The following SEMA3A variants were observed in gnomAD, a reference collection of about 807,000 sequenced individuals.
SEMA3A encodes the protein semaphorin-3A.
SEMA3A carries 29 observed loss-of-function variants against 97.9 expected under a neutral mutation model. The observed-to-expected ratio is 0.30, with a 90% CI of 0.22 to 0.40. The LOEUF is 0.40. Among genes scored for constraint, SEMA3A ranks in the 10% least tolerant of loss-of-function variants. The pLI is 1.00. For synonymous variants in SEMA3A, 321 were observed against 323.7 expected, an observed-to-expected ratio of 0.99 and a Z score of 0.09; for missense variants, 763 against 951.3, an observed-to-expected ratio of 0.80 and a Z score of 2.60.
intron 6 of SEMA3A, among the ~76,000 whole-genome samples, chr7:84,017,844 A>G (rs929329437): frequency 2.6e-5 from 4 of 151,792 alleles, no homozygotes; most frequent in African/African-American, 9.7e-5. Flanking sequence ...AGTCATTCCA[A>G]CTGTCTTCCC....
At chr7:84,466,177 G>A (rs1467307453) in intron 1 of SEMA3A, among the ~76,000 whole-genome samples, 1 of 151,924 alleles carries the variant, frequency 6.6e-6, no homozygotes, top group African/African-American at 2.4e-5. Context: ...TTGTTTGTTT[G>A]TTTGTTTGCT....
At chr7:84,027,521 C>T (rs1032176905) in intron 6 of SEMA3A, among the ~76,000 whole-genome samples, 1 of 152,138 alleles carries the variant, frequency 6.6e-6, no homozygotes, top group Admixed American at 6.6e-5. Flanking sequence ...TTCTATTTCA[C>T]TAAGTTTTTT....
intron 2 of SEMA3A, among the ~76,000 whole-genome samples, chr7:84,320,012 CA>C (rs1295724633): frequency 2.0e-5 from 3 of 152,030 alleles, no homozygotes; most frequent in African/African-American, 7.2e-5. Context: ...TTGCTAAACC[CA>C]AAGTAGGAGC....
intron 2 of SEMA3A, among the ~76,000 whole-genome samples, chr7:84,324,606 A>T (rs1477337744): frequency 6.6e-6 from 1 of 152,134 alleles, no homozygotes; most frequent in Non-Finnish European, 1.5e-5. Context: ...TTAAACTAGA[A>T]CTCTAGATAA....
chr7:84,093,332 G>A (rs1794652661), intron 4 of SEMA3A, among the ~76,000 whole-genome samples: 1 of 152,120 alleles, frequency 6.6e-6, no homozygotes, highest in Non-Finnish European at 1.5e-5. Context: ...CACAATATGT[G>A]TATTTATTTA....
At chr7:84,108,896 C>T (rs1165432999) in intron 4 of SEMA3A, among the ~76,000 whole-genome samples, 1 of 135,726 alleles carries the variant, frequency 7.4e-6, no homozygotes, top group African/African-American at 2.8e-5. Context: ...CAGAGTGAGA[C>T]TCCATACTCA....
At chr7:84,123,579 G>T (rs774640226) in intron 3 of SEMA3A, among the ~76,000 whole-genome samples, 3 of 150,998 alleles carry the variant, frequency 2.0e-5, no homozygotes, top group Non-Finnish European at 4.4e-5. Flanking sequence ...TATCAGAAAT[G>T]TCATCACCAG....
chr7:84,262,452 T>C (rs778082218), intron 3 of SEMA3A, among the ~76,000 whole-genome samples: 8 of 152,146 alleles, frequency 5.3e-5, no homozygotes, highest in Non-Finnish European at 1.2e-4. Context: ...TGACCTCAGG[T>C]GATCTAACCG....
At chr7:84,084,749 C>T (rs527378100) in intron 4 of SEMA3A, among the ~76,000 whole-genome samples, 19 of 152,094 alleles carry the variant, frequency 1.2e-4, no homozygotes, top group African/African-American at 2.6e-4. Context: ...TTTTAAAAAA[C>T]GCAAAGCACT....
At chr7:84,158,854 A>T (rs1269762449) in intron 1 of SEMA3A, among the ~76,000 whole-genome samples, 1 of 152,142 alleles carries the variant, frequency 6.6e-6, no homozygotes, top group Non-Finnish European at 1.5e-5. Context: ...AATATCCACA[A>T]GATAATAGCA....
intron 2 of SEMA3A, among the ~76,000 whole-genome samples, chr7:84,359,060 C>G (rs1384638653): frequency 6.6e-6 from 1 of 152,162 alleles, no homozygotes; most frequent in African/African-American, 2.4e-5. Context: ...GGGTTTTCTA[C>G]ATATACAACC....
intron 5 of SEMA3A, among the ~76,000 whole-genome samples, chr7:84,055,701 G>T (rs1053725693): frequency 6.6e-6 from 1 of 152,228 alleles, no homozygotes; most frequent in African/African-American, 2.4e-5. Flanking sequence ...GATCGGAGCT[G>T]TTCCTATTCA....
Position 83,957,169 on chromosome 7 carries a change from G to A in SEMA3A, c.*4202C>T, listed in dbSNP as rs1788304889. The A allele has an allele frequency of 6.6e-6, 1 of 152,100 alleles. No individual in the cohort carries two copies. Among genetic ancestry groups the A allele is most frequent in the Non-Finnish European group, 1.5e-5 (1 of 67,992 alleles). 9.4% of individuals were successfully genotyped at this position (152,100 alleles called of 1,614,324 possible). ...GTGTGACAATAAAAGGTATATACAAGGCACAGGTTTAGCATAGAGAAGGTC... is the reference window on the plus strand; with the variant it reads ...GTGTGACAATAAAAGGTATATACAAAGCACAGGTTTAGCATAGAGAAGGTC... On this transcript the variant is annotated 3_prime_UTR_variant, in exon 17 of 17. Coordinates refer to ENST00000265362, the MANE Select transcript of SEMA3A (RefSeq NM_006080.3).
intron 3 of SEMA3A, among the ~76,000 whole-genome samples, chr7:84,224,401 T>A (rs915423683): frequency 2.6e-5 from 4 of 152,032 alleles, no homozygotes; most frequent in African/African-American, 9.7e-5. Context: ...TTAGAGATGA[T>A]CTTCACAACT....
chr7:84,344,272 C>T (rs1802241482), intron 2 of SEMA3A, among the ~76,000 whole-genome samples: 1 of 151,968 alleles, frequency 6.6e-6, no homozygotes, highest in Admixed American at 6.6e-5. Flanking sequence ...CCAGATTTAC[C>T]CTTCCACTTA....
At chr7:84,466,231 C>T (rs751209096) in intron 1 of SEMA3A, among the ~76,000 whole-genome samples, 2 of 151,958 alleles carry the variant, frequency 1.3e-5, no homozygotes, top group Non-Finnish European at 2.9e-5. Context: ...TGGAGTGCAG[C>T]GGCGGATCTC....
At chr7:84,428,548 CTTTG>C (rs1804886225) in intron 1 of SEMA3A, among the ~76,000 whole-genome samples, 3 of 151,806 alleles carry the variant, frequency 2.0e-5, no homozygotes, top group Non-Finnish European at 2.9e-5. Flanking sequence ...TTAAAAATTT[CTTTG>C]AATATTGTCC....
chr7:84,339,130 C>T (rs993020774), intron 2 of SEMA3A, among the ~76,000 whole-genome samples: 1 of 151,980 alleles, frequency 6.6e-6, no homozygotes, highest in Admixed American at 6.6e-5. Context: ...AAATGGTGTG[C>T]CCTTGGAAAA....
intron 3 of SEMA3A, among the ~76,000 whole-genome samples, chr7:84,245,726 A>T (rs540717976): frequency 6.6e-6 from 1 of 152,062 alleles, no homozygotes; most frequent in Admixed American, 6.5e-5. Flanking sequence ...TCCCCTGGAA[A>T]CTTTGTCCCA....
Sources: allele counts gnomAD v4.1 joint callset (sites outside exome capture counted in the v4.1 genomes callset), GRCh38; gene constraint gnomAD v4.1.1; transcripts MANE v1.5; gene names NCBI Gene and HGNC (gene_info 2026-07-23, HGNC 2026-07-21).